The following THOC6 variants were observed in gnomAD, a reference collection of about 807,000 sequenced individuals.
THOC6 encodes THO complex 6.
Under a neutral mutation model 55.8 loss-of-function variants are expected in THOC6, and 39 were observed. The observed-to-expected ratio is 0.70, with a 90% CI of 0.54 to 0.91. THOC6 has a LOEUF of 0.91. Ranked by LOEUF, THOC6 falls within the 40% of genes least tolerant of loss-of-function variation. THOC6 has a pLI of 0.00. For missense variants in THOC6, 482 were observed against 442.0 expected (o/e 1.09, Z -0.81); for synonymous variants, 192 against 175.6 (o/e 1.09, Z -0.74).
rs368529581 is a variant in THOC6, at chr16:3,026,672, C to T, written c.484-7C>T. 3.1e-5 allele frequency: 50 copies of T among 1,611,426 alleles called. No homozygotes were observed. The highest frequency in any genetic ancestry group is 3.7e-5 in the Non-Finnish European group (44 of 1,178,646). On this transcript the variant is annotated splice_region_variant and splice_polypyrimidine_tract_variant and intron_variant, in intron 7 of 12. Transcript: ENST00000326266. ...GTCTCCTCCTGACATCGCCCCTCTA[C>T]ATGCAGAGGGTCCTCCGGGGCCACA...
Position 3,027,279 on chromosome 16 carries a change from T to A in THOC6, c.809T>A (p.Leu270Gln), listed in dbSNP as rs1259766211. The A allele has an allele frequency of 9.9e-6, 16 of 1,614,104 alleles. No individual in the cohort carries two copies. Among genetic ancestry groups the A allele is most frequent in the Non-Finnish European group, 1.4e-5 (16 of 1,180,050 alleles). The change falls in exon 11 of 13, where the codon CTG becomes CAG. Residue 270 changes from leucine to glutamine, a missense_variant and splice_region_variant. Coordinates refer to ENST00000326266, the MANE Select transcript of THOC6 (RefSeq NM_024339.5). ...PQKHVTFYQD[L>Q]ILSAGQGRCV... is the part of the protein sequence containing the mutation. ...AAGCACGTCACCTTCTACCAGGACC[T>A]GGTGAGGCCCTGTGTCTCACTTCTG...
Position 3,024,298 on chromosome 16 carries a change from G to T in THOC6, c.-29G>T, listed in dbSNP as rs1406373804. On this transcript the variant is annotated 5_prime_UTR_variant, in exon 1 of 13. Transcript: ENST00000326266. ...GGCCTCGTGAGGTTGCGTCGCGCGCGGAGCACTCTGGGACTTGTAGTTCTG... is the reference window on the plus strand; with the variant it reads ...GGCCTCGTGAGGTTGCGTCGCGCGCTGAGCACTCTGGGACTTGTAGTTCTG... 4 of 1,614,080 alleles carry T rather than the reference G, an allele frequency of 2.5e-6. 1 individual carries two copies. The highest frequency in any genetic ancestry group is 2.7e-5 in the African/African-American group (2 of 75,046).
At position 3,026,425 on chromosome 16, in the gene THOC6, A is replaced by T. The variant is rs199963464; in HGVS notation, c.411+12A>T. ...TGCTGGTCCCCAAGGTCTGAGCCCCATGTGACTGTTCTTGGTCCAAACTTT... is the reference window on the plus strand; with the variant it reads ...TGCTGGTCCCCAAGGTCTGAGCCCCTTGTGACTGTTCTTGGTCCAAACTTT... On this transcript the variant is annotated intron_variant, in intron 6 of 12. Coordinates refer to ENST00000326266, the MANE Select transcript of THOC6 (RefSeq NM_024339.5). 7.9e-5 allele frequency: 127 copies of T among 1,614,000 alleles called. 1 individual carries two copies. The highest frequency in any genetic ancestry group is 9.4e-5 in the Non-Finnish European group (111 of 1,180,028).
At chr16:3,027,136 G>A (rs956464573) in intron 10 of THOC6, 34 bp from the exon 11 acceptor site, 1 of 1,614,168 alleles carries the variant, frequency 6.2e-7, no homozygotes, top group South Asian at 1.1e-5. Flanking sequence ...TGGGCCTGTG[G>A]TTCACAGCTG....
rs779946236 is a variant in THOC6, at chr16:3,026,151, G to T, written c.309G>T (p.Ala103=). Reference sequence around the variant, plus strand: ...GGGAGGTGAAGGCCTGGCTTTGGGCGGAGATGCTCAAGAAGGTAAGGAGTC... The same window carrying T: ...GGGAGGTGAAGGCCTGGCTTTGGGCTGAGATGCTCAAGAAGGTAAGGAGTC... ...GDGEVKAWLW[A]EMLKKGCKEL... Residue 103 remains alanine, a synonymous_variant, in exon 4 of 13, where the codon GCG becomes GCT. Transcript: ENST00000326266. 4 of 1,608,858 alleles carry T rather than the reference G, an allele frequency of 2.5e-6. No homozygotes were observed. Among genetic ancestry groups the T allele is most frequent in the Non-Finnish European group, 3.4e-6 (4 of 1,176,336 alleles).
At position 3,026,105 on chromosome 16, in the gene THOC6, A is replaced by G; in HGVS notation, c.263A>G (p.His88Arg). ...TATAGCATGGTTTCCACCGATCGAC[A>G]TCTGCTTAGTGCTGGGGATGGGGAG... Reference protein sequence around the residue: ...PVYSMVSTDRHLLSAGDGEVK... With the variant: ...PVYSMVSTDRRLLSAGDGEVK... Residue 88 changes from histidine to arginine, a missense_variant, in exon 4 of 13, where the codon CAT becomes CGT. Transcript: ENST00000326266. 1 of 1,609,226 alleles carries G rather than the reference A, an allele frequency of 6.2e-7. No individual in the cohort carries two copies. Among genetic ancestry groups the G allele is most frequent in the South Asian group, 1.1e-5 (1 of 90,822 alleles).
intron 10 of THOC6, 42 bp downstream of exon 10, chr16:3,027,115 C>T: frequency 6.2e-7 from 1 of 1,614,140 alleles, no homozygotes; most frequent in Admixed American, 1.7e-5. Context: ...AGCTCCGGGC[C>T]CTGTCAGCTG....
Position 3,027,381 on chromosome 16 carries a change from C to T in THOC6, c.826C>T (p.Gln276Ter). 1 of 1,612,822 alleles carries T rather than the reference C, an allele frequency of 6.2e-7. No homozygotes were observed. Among genetic ancestry groups the T allele is most frequent in the Non-Finnish European group, 8.5e-7 (1 of 1,179,420 alleles). ...FYQDLILSAG[Q>*]GRCVNQWQLS... is the part of the protein sequence containing the mutation. ...TCCTCTGCAGATTCTGTCAGCTGGCCAGGGCCGCTGCGTCAACCAGTGGCA... is the reference window on the plus strand; with the variant it reads ...TCCTCTGCAGATTCTGTCAGCTGGCTAGGGCCGCTGCGTCAACCAGTGGCA... The change falls in exon 12 of 13, where the codon CAG becomes TAG. Residue 276 changes from glutamine to a stop codon, truncating the protein, a stop_gained. Transcript: ENST00000326266. LOFTEE classifies it high-confidence loss of function.
chr16:3,025,828 C>G lies in THOC6; in HGVS notation c.155+5C>G. 6.2e-7 allele frequency: 1 copy of G among 1,614,166 alleles called. No individual in the cohort carries two copies. Among genetic ancestry groups the G allele is most frequent in the Non-Finnish European group, 8.5e-7 (1 of 1,180,004 alleles). On this transcript the variant is annotated splice_donor_5th_base_variant and intron_variant, in intron 2 of 12. Transcript: ENST00000326266. ...CGGGCAGATTGCCATCTTCAGGTAC[C>G]CTCTGCCGCTGTCCACCCATTAGCC...
Position 3,027,704 on chromosome 16 carries a change from ATTT to A in THOC6, c.*49_*51del. The A allele has an allele frequency of 2.2e-6, 3 of 1,384,310 alleles. No individual in the cohort carries two copies. The highest frequency in any genetic ancestry group is 2.8e-6 in the Non-Finnish European group (3 of 1,062,948). The allele number at this position is 1,384,310 out of a possible 1,614,324, so 85.8% of individuals were successfully genotyped here. ...AGCTCAGGGTTTTAGAGTGTTTTTC[ATTT>A]TCTTTTTTTTTTTTTTTTTACAATA... is the stretch of plus-strand genomic sequence containing the variant. On this transcript the variant is annotated 3_prime_UTR_variant, in exon 13 of 13. Transcript: ENST00000326266.
Position 3,026,557 on chromosome 16 carries a change from C to G in THOC6, c.453C>G (p.His151Gln). Residue 151 changes from histidine (H) to glutamine (Q), a missense_variant, in exon 7 of 13, where the codon CAC (histidine) becomes CAG (glutamine). Coordinates refer to ENST00000326266, the MANE Select transcript of THOC6 (RefSeq NM_024339.5). ...LILAGGDCQLHTMDLETGTFT... is the reference protein window; with the variant it reads ...LILAGGDCQLQTMDLETGTFT... ...TGGCTGGGGGAGACTGTCAGTTGCA[C>G]ACTATGGACCTTGAAACTGGGACTT... 1 of 1,614,110 alleles carries G rather than the reference C, an allele frequency of 6.2e-7. No homozygotes were observed.
intron 6 of THOC6, 25 bp from the exon 7 acceptor site, chr16:3,026,491 T>C: frequency 6.2e-7 from 1 of 1,614,138 alleles, no homozygotes; most frequent in Non-Finnish European, 8.5e-7. Flanking sequence ...ACATTGACTT[T>C]CTGCCTCATC....
chr16:3,025,615 G>A (rs563580107), intron 1 of THOC6, 93 bp from the exon 2 acceptor site: 1 of 1,180,974 alleles, frequency 8.5e-7, no homozygotes, highest in East Asian at 2.4e-5. Context: ...AGGACAGTGG[G>A]AGGCCTGGCA....
rs1477158614 is a variant in THOC6, at chr16:3,026,067, T to A, written c.225T>A (p.His75Gln). The A allele has an allele frequency of 6.2e-7, 1 of 1,612,628 alleles. No homozygotes were observed. Among genetic ancestry groups the A allele is most frequent in the East Asian group, 2.2e-5 (1 of 44,814 alleles). Residue 75 changes from histidine to glutamine, a missense_variant, in exon 4 of 13, where the codon CAT becomes CAA. Physicochemically the swap from His to Gln is conservative, Grantham distance 24 (BLOSUM62 0). Coordinates refer to ENST00000326266, the MANE Select transcript of THOC6 (RefSeq NM_024339.5). ...CAGTTCTGCATTTCTCTTTAGCCCA[T>A]GATGGGCCCGTCTATAGCATGGTTT... The part of the protein sequence containing the change: ...SKKPVVTFQA[H>Q]DGPVYSMVST...
chr16:3,026,342 T>C (rs747928332), intron 5 of THOC6, 23 bp from the exon 6 acceptor site: 34 of 1,613,964 alleles, frequency 2.1e-5, no homozygotes, highest in Non-Finnish European at 2.9e-5. Flanking sequence ...ACTTCCTCAC[T>C]GACCTTGCCT....
At position 3,026,074 on chromosome 16, in the gene THOC6, C is replaced by T. The variant is rs998944629; in HGVS notation, c.232C>T (p.Pro78Ser). The T allele has an allele frequency of 2.5e-6, 4 of 1,611,894 alleles. No homozygotes were observed. The highest frequency in any genetic ancestry group is 3.3e-5 in the Admixed American group (2 of 59,914). ...PVVTFQAHDGPVYSMVSTDRH... is the reference protein window; with the variant it reads ...PVVTFQAHDGSVYSMVSTDRH... ...GCATTTCTCTTTAGCCCATGATGGG[C>T]CCGTCTATAGCATGGTTTCCACCGA... is the stretch of plus-strand genomic sequence containing the variant. The change falls in exon 4 of 13, where the codon CCC (proline) becomes TCC (serine). Residue 78 changes from proline (P) to serine (S), a missense_variant. Transcript: ENST00000326266.
intron 1 of THOC6, among the ~76,000 whole-genome samples, chr16:3,024,630 C>A (rs1490669794): frequency 1.5e-5 from 2 of 134,404 alleles, no homozygotes; most frequent in Middle Eastern, 3.9e-3. Context: ...CTAGTTCTTG[C>A]AAAGCACTTT....
In THOC6 at chr16:3,026,867, A is replaced by C; in HGVS notation, c.587A>C (p.Asp196Ala). 1 of 1,614,166 alleles carries C rather than the reference A, an allele frequency of 6.2e-7. No homozygotes were observed. Among genetic ancestry groups the C allele is most frequent in the Non-Finnish European group, 8.5e-7 (1 of 1,180,018 alleles). Residue 196 changes from aspartate to alanine, a missense_variant and splice_region_variant, in exon 9 of 13, where the codon GAC becomes GCC. Coordinates refer to ENST00000326266, the MANE Select transcript of THOC6 (RefSeq NM_024339.5). The part of the protein sequence containing the change: ...GGEDGAVRLW[D>A]LRTAKEVQTI... Reference sequence around the variant, plus strand: ...ACCACTCACAGTTCTTTCCCCGCAGACCTGCGCACAGCCAAGGAGGTCCAG... The same window carrying C: ...ACCACTCACAGTTCTTTCCCCGCAGCCCTGCGCACAGCCAAGGAGGTCCAG...
In THOC6 at chr16:3,026,583, T is replaced by G. The variant is rs773713952; in HGVS notation, c.479T>G (p.Phe160Cys). ...ACTATGGACCTTGAAACTGGGACTT[T>G]CACGGTGAGCAGGGTCCTGGAGCCC... ...LHTMDLETGT[F>C]TRVLRGHTDY... The change falls in exon 7 of 13, where the codon TTC (phenylalanine) becomes TGC (cysteine). Residue 160 changes from phenylalanine to cysteine, a missense_variant. Phe to Cys is a radical substitution (Grantham distance 205). Transcript: ENST00000326266. 1 of 1,614,072 alleles carries G rather than the reference T, an allele frequency of 6.2e-7. No individual in the cohort carries two copies.
Sources: allele counts gnomAD v4.1 joint callset (sites outside exome capture counted in the v4.1 genomes callset), GRCh38; gene constraint gnomAD v4.1.1; transcripts MANE v1.5; gene names NCBI Gene and HGNC (gene_info 2026-07-23, HGNC 2026-07-21).